CLPB: variants seen among roughly 807,000 people sequenced by gnomAD.
CLPB encodes the protein mitochondrial disaggregase.
Under a neutral mutation model 78.4 loss-of-function variants are expected in CLPB, and 40 were observed. The ratio of observed to expected loss-of-function variants is 0.51; its 90% CI spans 0.40 to 0.66. The LOEUF is 0.66. Among genes scored for constraint, CLPB ranks in the 30% least tolerant of loss-of-function variants. The pLI, the probability that CLPB is intolerant of heterozygous loss-of-function variation, is 0.00. For synonymous variants in CLPB, 333 were observed against 348.0 expected, an observed-to-expected ratio of 0.96 and a Z score of 0.48; for missense variants, 780 against 886.9, an observed-to-expected ratio of 0.88 and a Z score of 1.53.
At chr11:72,404,778 TG>T (rs1348419465) in intron 2 of CLPB, among the ~76,000 whole-genome samples, 1 of 152,146 alleles carries the variant, frequency 6.6e-6, no homozygotes, top group Non-Finnish European at 1.5e-5. Context: ...TTGGTATGAC[TG>T]GGGTACAACA....
At chr11:72,345,390 T>G (rs1950494237) in intron 5 of CLPB, among the ~76,000 whole-genome samples, 1 of 152,224 alleles carries the variant, frequency 6.6e-6, no homozygotes, top group African/African-American at 2.4e-5. Flanking sequence ...AGAAATATTG[T>G]TAAGTTAAAA....
At chr11:72,363,445 C>T (rs1950880178) in intron 4 of CLPB, 1 of 152,164 alleles carries the variant, frequency 6.6e-6, no homozygotes, top group Non-Finnish European at 1.5e-5. Flanking sequence ...GAAGCCGGTG[C>T]CATCTAATGT....
At chr11:72,417,858 C>A (rs953679615) in intron 2 of CLPB, among the ~76,000 whole-genome samples, 2 of 152,172 alleles carry the variant, frequency 1.3e-5, no homozygotes, top group East Asian at 3.9e-4. Context: ...TGCCCCTCCC[C>A]ACCCCTGCTG....
chr11:72,363,164 AAGAG>A (rs1950872927), intron 4 of CLPB, among the ~76,000 whole-genome samples: 1 of 151,826 alleles, frequency 6.6e-6, no homozygotes, highest in South Asian at 2.1e-4. Flanking sequence ...TCAAAAAAAA[AAGAG>A]AAAGTAAAAG....
At chr11:72,380,491 G>A (rs1385822672) in intron 3 of CLPB, 107 bp from the exon 4 acceptor site, 1 of 800,150 alleles carries the variant, frequency 1.2e-6, no homozygotes, top group East Asian at 2.7e-5. Context: ...CTGCTCATGT[G>A]AGTGATACGG....
intron 2 of CLPB, among the ~76,000 whole-genome samples, chr11:72,417,161 A>G (rs1438703304): frequency 1.3e-5 from 2 of 152,238 alleles, no homozygotes; most frequent in Non-Finnish European, 2.9e-5. Flanking sequence ...TAAAAAGTGG[A>G]AACACAAATG....
At chr11:72,419,299 G>A (rs1001058194) in intron 2 of CLPB, among the ~76,000 whole-genome samples, 1 of 152,224 alleles carries the variant, frequency 6.6e-6, no homozygotes, top group Non-Finnish European at 1.5e-5. Context: ...TGATGGTAGG[G>A]AGGCAGAGCC....
At chr11:72,406,062 G>A (rs1016975405) in intron 2 of CLPB, among the ~76,000 whole-genome samples, 4 of 152,280 alleles carry the variant, frequency 2.6e-5, no homozygotes, top group African/African-American at 9.6e-5. Flanking sequence ...TCCATTCAAG[G>A]TTTTGGGACA....
At chr11:72,344,914 G>A (rs559964377) in intron 5 of CLPB, among the ~76,000 whole-genome samples, 21 of 152,222 alleles carry the variant, frequency 1.4e-4, no homozygotes, top group East Asian at 3.9e-4. Flanking sequence ...TAAAATGACC[G>A]CCAAACATAT....
intron 4 of CLPB, among the ~76,000 whole-genome samples, chr11:72,367,361 G>A (rs1362287338): frequency 3.9e-5 from 6 of 151,998 alleles, no homozygotes; most frequent in Non-Finnish European, 7.4e-5. Flanking sequence ...TTGGGGTTTC[G>A]CCATGTTGGC....
rs1949429575 is a variant in CLPB, at chr11:72,289,714, G to C, written c.*3653C>G. The stretch of plus-strand genomic sequence containing the variant: ...GCCTCCTACGTAGCTAGGATTACAG[G>C]AATGCACCACCATGCCTGGCTAATT... On this transcript the variant is annotated 3_prime_UTR_variant, in exon 16 of 16. Transcript: ENST00000538039. The C allele has an allele frequency of 6.6e-6, 1 of 152,134 alleles. No homozygotes were observed. Among genetic ancestry groups the C allele is most frequent in the Non-Finnish European group, 1.5e-5 (1 of 68,052 alleles). The allele number at this position is 152,134 out of a possible 1,614,324, so 9.4% of individuals were successfully genotyped here.
At chr11:72,356,940 T>A (rs1950728644) in intron 5 of CLPB, 1 of 152,208 alleles carries the variant, frequency 6.6e-6, no homozygotes, top group Non-Finnish European at 1.5e-5. Context: ...ACACTCCAAT[T>A]CTTAGCTACA....
intron 5 of CLPB, among the ~76,000 whole-genome samples, chr11:72,331,744 T>C (rs553712544): frequency 2.0e-5 from 3 of 151,890 alleles, no homozygotes; most frequent in Admixed American, 2.0e-4. Context: ...TGGCTAATTT[T>C]TGTATTTTTA....
intron 2 of CLPB, among the ~76,000 whole-genome samples, chr11:72,408,978 T>C (rs1158002981): frequency 2.0e-5 from 3 of 152,220 alleles, no homozygotes; most frequent in Non-Finnish European, 4.4e-5. Flanking sequence ...GGGCAAAATG[T>C]GGCAAGTGAA....
chr11:72,348,380 C>A (rs1950552921), intron 5 of CLPB, among the ~76,000 whole-genome samples: 3 of 152,292 alleles, frequency 2.0e-5, no homozygotes, highest in South Asian at 4.1e-4. Flanking sequence ...GTCTCTTCCC[C>A]AAGATCCTCC....
chr11:72,336,007 G>A (rs1195061665), intron 5 of CLPB, among the ~76,000 whole-genome samples: 2 of 152,068 alleles, frequency 1.3e-5, no homozygotes, highest in African/African-American at 4.8e-5. Context: ...ATGCTCTGTA[G>A]GTGCGAAGTG....
intron 5 of CLPB, among the ~76,000 whole-genome samples, chr11:72,330,812 A>T (rs1392194922): frequency 6.6e-6 from 1 of 152,198 alleles, no homozygotes; most frequent in Non-Finnish European, 1.5e-5. Flanking sequence ...GGTAATAATT[A>T]TCTAGTATTT....
At position 72,339,986 on chromosome 11, in the gene CLPB, T is replaced by G. The variant is rs549978739; in HGVS notation, c.776-10182A>C. Among the ~76,000 whole-genome samples the G allele has an allele frequency of 3.3e-5, 5 of 152,360 alleles. 1 individual carries two copies. The South Asian group carries it at 1.0e-3, about 32-fold the overall frequency. ...GTGCATGACATTTTGCTCTTATACC[T>G]TGAGTTTTGGTCTTTGGCTGGGACT... On this transcript the variant is annotated intron_variant, in intron 5 of 15. Transcript: ENST00000538039.
intron 2 of CLPB, 93 bp downstream of exon 2, chr11:72,430,218 AG>A: frequency 8.3e-7 from 1 of 1,203,168 alleles, no homozygotes; most frequent in South Asian, 1.3e-5. Flanking sequence ...GCTTAGGGTA[AG>A]GATTTCCTCC....
Sources: gnomAD v4.1 joint callset for allele counts (sites outside exome capture counted in the v4.1 genomes callset) on GRCh38, gnomAD v4.1.1 for gene constraint, MANE v1.5 for transcripts, NCBI Gene and HGNC (gene_info 2026-07-23, HGNC 2026-07-21) for gene names.